The following GUCY1A2 variants were observed in gnomAD, a reference collection of about 807,000 sequenced individuals.
GUCY1A2 encodes the protein guanylate cyclase soluble subunit alpha-2.
A neutral mutation model predicts 63.5 loss-of-function variants in GUCY1A2; 27 were observed. That is an observed-to-expected ratio of 0.43 (90% CI 0.31 to 0.59). The LOEUF (loss-of-function observed/expected upper bound fraction) is 0.59, where lower values mean the gene tolerates loss of function less well. Among genes scored for constraint, GUCY1A2 ranks in the 20% least tolerant of loss-of-function variants. GUCY1A2 has a pLI of 0.11. For missense variants in GUCY1A2, 768 were observed against 913.3 expected (o/e 0.84, Z 2.05); for synonymous variants, 364 against 343.5 (o/e 1.06, Z -0.66).
chr11:106,684,063 C>G lies in GUCY1A2; in HGVS notation c.*3486G>C, dbSNP rs1206917393. 1 of 187,978 alleles carries G rather than the reference C, an allele frequency of 5.3e-6. No homozygotes were observed. The highest frequency in any genetic ancestry group is 8.5e-5 in the East Asian group (1 of 11,778). 11.6% of individuals were successfully genotyped at this position (187,978 alleles called of 1,614,324 possible). A position where few individuals can be genotyped will look rare whatever the true frequency, so the allele number is the denominator to read the frequency against. Reference sequence around the variant, plus strand: ...GAGATTTTGTTTAAGTTGTTATTATCCTCTTTTGCTTTGTTTTTCCTGGAA... The same window carrying G: ...GAGATTTTGTTTAAGTTGTTATTATGCTCTTTTGCTTTGTTTTTCCTGGAA... On this transcript the variant is annotated 3_prime_UTR_variant, in exon 8 of 8. Coordinates refer to ENST00000526355, the MANE Select transcript of GUCY1A2 (RefSeq NM_000855.3).
intron 6 of GUCY1A2, among the ~76,000 whole-genome samples, chr11:106,716,099 G>A (rs983459851): frequency 3.3e-5 from 5 of 152,156 alleles, no homozygotes; most frequent in African/African-American, 1.2e-4. Flanking sequence ...TGAAAATAAT[G>A]TTCAAAGATC....
rs1251046063 is a variant in GUCY1A2, at chr11:106,677,304, T to C, written c.*10245A>G. The C allele has an allele frequency of 4.6e-6, 1 of 216,966 alleles. No homozygotes were observed. 13.4% of individuals were successfully genotyped at this position (216,966 alleles called of 1,614,324 possible). On this transcript the variant is annotated 3_prime_UTR_variant, in exon 8 of 8. Coordinates refer to ENST00000526355, the MANE Select transcript of GUCY1A2 (RefSeq NM_000855.3). ...TTACTGCACATAAAACTTATGTATATAAACCATTCATTTCACATTCATCAA... is the reference window on the plus strand; with the variant it reads ...TTACTGCACATAAAACTTATGTATACAAACCATTCATTTCACATTCATCAA...
intron 7 of GUCY1A2, among the ~76,000 whole-genome samples, chr11:106,694,801 A>G (rs1292396103): frequency 6.6e-6 from 1 of 152,138 alleles, no homozygotes. Flanking sequence ...GGCCAGTTCT[A>G]TATTTTATGG....
intron 6 of GUCY1A2, among the ~76,000 whole-genome samples, chr11:106,756,663 T>C (rs908894524): frequency 6.6e-6 from 1 of 152,228 alleles, no homozygotes; most frequent in Non-Finnish European, 1.5e-5. Context: ...TTAAGAATGT[T>C]GAATATTAGC....
chr11:106,975,421 A>G (rs1312435495), intron 3 of GUCY1A2, among the ~76,000 whole-genome samples: 1 of 152,166 alleles, frequency 6.6e-6, no homozygotes, highest in Non-Finnish European at 1.5e-5. Context: ...AAGATTTTCT[A>G]TTTTTTGGAC....
chr11:106,885,788 T>C (rs1188429092), intron 4 of GUCY1A2, among the ~76,000 whole-genome samples: 1 of 152,180 alleles, frequency 6.6e-6, no homozygotes, highest in Non-Finnish European at 1.5e-5. Flanking sequence ...ATTACAATCA[T>C]CACATGTAGT....
intron 7 of GUCY1A2, among the ~76,000 whole-genome samples, chr11:106,691,960 G>A (rs1385500582): frequency 6.6e-6 from 1 of 152,136 alleles, no homozygotes; most frequent in African/African-American, 2.4e-5. Context: ...GTTTGTGGAG[G>A]AGGTCAGGGG....
chr11:106,753,654 C>A (rs1001121434), intron 6 of GUCY1A2, among the ~76,000 whole-genome samples: 1 of 152,118 alleles, frequency 6.6e-6, no homozygotes, highest in African/African-American at 2.4e-5. Context: ...TGTCAAAGAT[C>A]AGATGATTTT....
In GUCY1A2 at chr11:106,780,042, T is replaced by C. The variant is rs555514953; in HGVS notation, c.1693-3460A>G. On this transcript the variant is annotated intron_variant, in intron 5 of 7. Transcript: ENST00000526355. ...AAAAATAAAAATTATCCAGGTAAGG[T>C]GGACCTTACCTATAGTCCCAGCTAC... Among the ~76,000 whole-genome samples, 210 of 152,108 alleles carry C rather than the reference T, an allele frequency of 1.4e-3. 1 individual carries two copies. Among genetic ancestry groups the C allele is most frequent in the African/African-American group, 4.8e-3 (198 of 41,468 alleles).
At chr11:106,979,454 CAA>C (rs368315276) in intron 2 of GUCY1A2, among the ~76,000 whole-genome samples, 9 of 59,490 alleles carry the variant, frequency 1.5e-4, no homozygotes, top group Admixed American at 3.4e-4. Context: ...GACTCCGTCT[CAA>C]AAAAAAAAAA....
At chr11:106,794,232 A>G (rs1339148331) in intron 5 of GUCY1A2, among the ~76,000 whole-genome samples, 3 of 152,136 alleles carry the variant, frequency 2.0e-5, no homozygotes, top group African/African-American at 7.2e-5. Context: ...AAGTGAAATA[A>G]GCCAGACACA....
intron 5 of GUCY1A2, among the ~76,000 whole-genome samples, chr11:106,781,345 G>GA (rs1159248696): frequency 1.2e-4 from 18 of 152,068 alleles, no homozygotes; most frequent in African/African-American, 4.3e-4. Flanking sequence ...GCAAATGTCT[G>GA]AAAAAACTTA....
At position 106,959,708 on chromosome 11, in the gene GUCY1A2, A is replaced by T. The variant is rs184519548; in HGVS notation, c.487+18911T>A. On this transcript the variant is annotated intron_variant, in intron 3 of 7. Coordinates refer to ENST00000526355, the MANE Select transcript of GUCY1A2 (RefSeq NM_000855.3). ...CCCAGTCAGGGGCAATTCTGAAGAG[A>T]TCAGCTGAGACCTCTGTTGTGATGG... Among the ~76,000 whole-genome samples the T allele has an allele frequency of 9.8e-5, 15 of 152,358 alleles. No individual in the cohort carries two copies. The East Asian group carries it at 2.7e-3, about 27-fold the overall frequency.
intron 2 of GUCY1A2, among the ~76,000 whole-genome samples, chr11:106,983,362 T>A (rs1262972763): frequency 1.3e-5 from 2 of 152,194 alleles, no homozygotes; most frequent in African/African-American, 2.4e-5. Context: ...ATAAAGTGGA[T>A]AAAGTACAGA....
intron 4 of GUCY1A2, among the ~76,000 whole-genome samples, chr11:106,877,401 A>G (rs1859764890): frequency 6.6e-6 from 1 of 152,130 alleles, no homozygotes. Flanking sequence ...ACTATACTAT[A>G]GGGCTACAGT....
chr11:106,908,546 A>C (rs1860246312), intron 4 of GUCY1A2, among the ~76,000 whole-genome samples: 1 of 151,994 alleles, frequency 6.6e-6, no homozygotes, highest in South Asian at 2.1e-4. Context: ...GATAAATAAC[A>C]TATGAATAAA....
intron 6 of GUCY1A2, among the ~76,000 whole-genome samples, chr11:106,716,784 AAAAAAAAAAAGAT>A (rs1863222839): frequency 6.7e-6 from 1 of 148,272 alleles, no homozygotes; most frequent in African/African-American, 2.5e-5. Context: ...AAAAAAAAAA[AAAAAAAAAAAGAT>A]AAGAGTAAAT....
intron 1 of GUCY1A2, among the ~76,000 whole-genome samples, chr11:106,997,133 C>T (rs990389961): frequency 2.0e-4 from 30 of 152,148 alleles, no homozygotes; most frequent in Middle Eastern, 3.4e-3. Context: ...ATATTATTTC[C>T]TCATTCCTTC....
chr11:106,857,482 C>G (rs1859452945), intron 4 of GUCY1A2, among the ~76,000 whole-genome samples: 1 of 152,192 alleles, frequency 6.6e-6, no homozygotes, highest in Admixed American at 6.5e-5. Flanking sequence ...TACTTACACA[C>G]AGCTTCATAT....
Sources: allele counts gnomAD v4.1 joint callset (sites outside exome capture counted in the v4.1 genomes callset), GRCh38; gene constraint gnomAD v4.1.1; transcripts MANE v1.5; gene names NCBI Gene and HGNC (gene_info 2026-07-23, HGNC 2026-07-21).